The following TBC1D9 variants were observed in gnomAD, a reference collection of about 807,000 sequenced individuals.
TBC1D9 encodes TBC1 domain family member 9, also known as TBC1 domain family member 9A.
A neutral mutation model predicts 132.0 loss-of-function variants in TBC1D9; 63 were observed. The observed-to-expected ratio is 0.48, with a 90% CI of 0.39 to 0.59. The LOEUF (loss-of-function observed/expected upper bound fraction) is 0.59. TBC1D9 is among the 20% of genes least tolerant of loss of function. The pLI, the probability that TBC1D9 is intolerant of heterozygous loss-of-function variation, is 0.00. For missense variants in TBC1D9, 1,261 were observed against 1,592.7 expected (o/e 0.79, Z 3.54); for synonymous variants, 610 against 609.9 (o/e 1.00, Z 0.00).
intron 11 of TBC1D9, 41 bp downstream of exon 11, chr4:140,659,547 G>T: frequency 1.4e-6 from 2 of 1,404,982 alleles, no homozygotes; most frequent in South Asian, 2.5e-5. Context: ...GCATCTTCTT[G>T]ACGAGACATA....
At chr4:140,672,036 C>T (rs1425418636) in intron 6 of TBC1D9, among the ~76,000 whole-genome samples, 2 of 151,956 alleles carry the variant, frequency 1.3e-5, no homozygotes, top group African/African-American at 4.8e-5. Context: ...AATGTTTTCC[C>T]TACTCAAGAC....
chr4:140,643,687 G>A lies in TBC1D9; in HGVS notation c.2338-4259C>T, dbSNP rs540085740. ...TCCACTAGCGTCTCGGGTGTCAGCT[G>A]CACCCCCAGGTCCAATGCGGCCGTG... On this transcript the variant is annotated intron_variant, in intron 13 of 20. Coordinates refer to ENST00000442267, the MANE Select transcript of TBC1D9 (RefSeq NM_015130.3). 4.6e-5 allele frequency: 55 copies of A among 1,183,030 alleles called. 1 individual carries two copies. In the East Asian group the frequency reaches 1.4e-3, roughly 30 times the overall value. The allele number at this position is 1,183,030 out of a possible 1,614,324, so 73.3% of individuals were successfully genotyped here. A position where few individuals can be genotyped will look rare whatever the true frequency, so the allele number is the denominator to read the frequency against.
At chr4:140,740,809 G>C (rs1315725714) in intron 1 of TBC1D9, among the ~76,000 whole-genome samples, 1 of 152,190 alleles carries the variant, frequency 6.6e-6, no homozygotes, top group East Asian at 1.9e-4. Flanking sequence ...TCATCCAAAT[G>C]AAAGTTCCTA....
At chr4:140,675,456 G>A (rs964713761) in intron 6 of TBC1D9, among the ~76,000 whole-genome samples, 53 of 152,246 alleles carry the variant, frequency 3.5e-4, no homozygotes, top group African/African-American at 1.2e-3. Context: ...GGTCAGGTTA[G>A]AAACTGCAGG....
At position 140,756,059 on chromosome 4, in the gene TBC1D9, G is replaced by T; in HGVS notation, c.-14C>A. The stretch of plus-strand genomic sequence containing the variant: ...GTTCACCCACATGGTCCTGGCTGCC[G>T]CGGGCGGGCGCACAATGGGCCCGTG... On this transcript the variant is annotated 5_prime_UTR_variant, in exon 1 of 21. Transcript: ENST00000442267. This position sits in a 1 kb window ranked among gnomAD's most constrained non-coding sequence, Gnocchi z 5.6. 8 of 1,601,600 alleles carry T rather than the reference G, an allele frequency of 5.0e-6. No individual in the cohort carries two copies. The highest frequency in any genetic ancestry group is 6.0e-6 in the Non-Finnish European group (7 of 1,174,338).
In TBC1D9 at chr4:140,756,148, CCCGT is replaced by C. The variant is rs1440403113; in HGVS notation, c.-107_-104del. 8.4e-5 allele frequency: 81 copies of C among 966,682 alleles called. No homozygotes were observed. The highest frequency in any genetic ancestry group is 1.0e-4 in the Non-Finnish European group (75 of 726,070). The allele number at this position is 966,682 out of a possible 1,614,324, so 59.9% of individuals were successfully genotyped here. Reference sequence around the variant, plus strand: ...TCCTGGGCACACGCGCGCCCGCCCGCCCGTCCGCTAGGTGCGGCGGCGGCGGCGG... The same window carrying C: ...TCCTGGGCACACGCGCGCCCGCCCGCCCGCTAGGTGCGGCGGCGGCGGCGG... On this transcript the variant is annotated 5_prime_UTR_variant, in exon 1 of 21. Transcript: ENST00000442267. The surrounding 1 kb of genome is among the most constrained non-coding windows in gnomAD (Gnocchi z 5.6).
chr4:140,621,837 C>T lies in TBC1D9; in HGVS notation c.*358G>A, dbSNP rs1736618493. On this transcript the variant is annotated 3_prime_UTR_variant, in exon 21 of 21. Coordinates refer to ENST00000442267, the MANE Select transcript of TBC1D9 (RefSeq NM_015130.3). ...GCCTGAATACACAAATGACTGCTGCCTTACTTAGCATTAAACAGTACTATT... is the reference window on the plus strand; with the variant it reads ...GCCTGAATACACAAATGACTGCTGCTTTACTTAGCATTAAACAGTACTATT... 6 of 168,280 alleles carry T rather than the reference C, an allele frequency of 3.6e-5. No individual in the cohort carries two copies. The Admixed American group carries it at 3.8e-4, about 11-fold the overall frequency. 10.4% of individuals were successfully genotyped at this position (168,280 alleles called of 1,614,324 possible).
chr4:140,682,398 G>T (rs932972123), intron 3 of TBC1D9, among the ~76,000 whole-genome samples: 5 of 152,256 alleles, frequency 3.3e-5, no homozygotes, highest in Middle Eastern at 3.4e-3. Flanking sequence ...GGACAAGCAG[G>T]CGTTGGTAGT....
chr4:140,644,168 C>T, intron 13 of TBC1D9: 1 of 360,264 alleles, frequency 2.8e-6, no homozygotes, highest in Non-Finnish European at 5.4e-6. Flanking sequence ...AGTGTGGTGG[C>T]AGGGCTTGGA....
At chr4:140,750,428 A>G (rs1578867600) in intron 1 of TBC1D9, among the ~76,000 whole-genome samples, 1 of 152,108 alleles carries the variant, frequency 6.6e-6, no homozygotes, top group East Asian at 1.9e-4. Context: ...ACCAGAATTC[A>G]TTTCTTAAGT....
chr4:140,746,043 T>C (rs1194599569), intron 1 of TBC1D9, among the ~76,000 whole-genome samples: 1 of 152,208 alleles, frequency 6.6e-6, no homozygotes, highest in African/African-American at 2.4e-5. Flanking sequence ...ATGCTCTAAC[T>C]CAGATGGAAC....
At chr4:140,676,805 G>C (rs1737631658) in intron 6 of TBC1D9, 89 bp downstream of exon 6, 13 of 1,513,456 alleles carry the variant, frequency 8.6e-6, no homozygotes, top group Admixed American at 2.0e-5. Context: ...GTGTTCAAAA[G>C]CCAATTGTTG....
At chr4:140,744,185 C>T (rs1738803318) in intron 1 of TBC1D9, among the ~76,000 whole-genome samples, 1 of 152,026 alleles carries the variant, frequency 6.6e-6, no homozygotes, top group African/African-American at 2.4e-5. Flanking sequence ...TGTTTCCTGT[C>T]AGCAGCATTT....
chr4:140,749,935 C>T (rs1170077704), intron 1 of TBC1D9, among the ~76,000 whole-genome samples: 1 of 151,980 alleles, frequency 6.6e-6, no homozygotes, highest in Non-Finnish European at 1.5e-5. Flanking sequence ...ATTAGGATTG[C>T]TTTATAAATG....
chr4:140,675,304 A>T (rs905559410), intron 6 of TBC1D9, among the ~76,000 whole-genome samples: 5 of 151,378 alleles, frequency 3.3e-5, no homozygotes, highest in Non-Finnish European at 7.4e-5. Flanking sequence ...ATGCCTAATT[A>T]AAAAAAAAGA....
At chr4:140,624,026 G>T in intron 20 of TBC1D9, 90 bp downstream of exon 20, 1 of 1,010,546 alleles carries the variant, frequency 9.9e-7, no homozygotes, top group Non-Finnish European at 1.5e-6. Flanking sequence ...TTTTTGATGG[G>T]TATTGAGTCT....
Position 140,622,142 on chromosome 4 carries a change from A to C in TBC1D9, c.*53T>G. ...AAGAAAAAACTCAACACAGAAGAAC[A>C]TAAAAAATCCCTCCCCTCCCTCTCC... On this transcript the variant is annotated 3_prime_UTR_variant, in exon 21 of 21. Transcript: ENST00000442267. 2 of 1,507,950 alleles carry C rather than the reference A, an allele frequency of 1.3e-6. No individual in the cohort carries two copies. The highest frequency in any genetic ancestry group is 2.8e-5 in the African/African-American group (2 of 71,718). The allele number at this position is 1,507,950 out of a possible 1,614,324, so 93.4% of individuals were successfully genotyped here.
intron 15 of TBC1D9, among the ~76,000 whole-genome samples, chr4:140,638,110 G>A (rs753333017): frequency 1.3e-5 from 2 of 152,142 alleles, no homozygotes; most frequent in Non-Finnish European, 2.9e-5. Flanking sequence ...ACTGTAAGAC[G>A]TAGAATACCA....
chr4:140,661,809 A>G (rs2111001277), intron 10 of TBC1D9, 84 bp downstream of exon 10: 1 of 1,204,232 alleles, frequency 8.3e-7, no homozygotes, highest in Non-Finnish European at 1.2e-6. Context: ...TCTGTTAACC[A>G]TAAACCTTCC....
Sources: allele counts gnomAD v4.1 joint callset (sites outside exome capture counted in the v4.1 genomes callset), GRCh38; gene constraint gnomAD v4.1.1; non-coding constraint Gnocchi (gnomAD v3.1); transcripts MANE v1.5; gene names NCBI Gene and HGNC (gene_info 2026-07-23, HGNC 2026-07-21).